The following LRRTM4 variants were observed in gnomAD, a reference collection of about 807,000 sequenced individuals.
The protein encoded by LRRTM4 is leucine rich repeat transmembrane neuronal 4, also known as leucine-rich repeat transmembrane neuronal protein 4.
Under a neutral mutation model 47.6 loss-of-function variants are expected in LRRTM4, and 25 were observed. The ratio of observed to expected loss-of-function variants is 0.53; its 90% confidence interval spans 0.38 to 0.73. The LOEUF (loss-of-function observed/expected upper bound fraction) is 0.73, where lower values mean the gene tolerates loss of function less well. Ranked by LOEUF, LRRTM4 falls within the 30% of genes least tolerant of loss-of-function variation. The pLI is 0.00. For synonymous variants in LRRTM4, 311 were observed against 269.5 expected (o/e 1.15, Z -1.51); for missense variants, 638 against 713.4 (o/e 0.89, Z 1.20).
At chr2:77,448,045 G>GCAAATAAATTT (rs1676120596) in intron 3 of LRRTM4, among the ~76,000 whole-genome samples, 1 of 152,120 alleles carries the variant, frequency 6.6e-6, no homozygotes, top group African/African-American at 2.4e-5. Flanking sequence ...AAAAGAGAAA[G>GCAAATAAATTT]GTGCAAAAGA....
At chr2:77,083,814 T>G (rs1469060131) in intron 3 of LRRTM4, among the ~76,000 whole-genome samples, 20 of 110,964 alleles carry the variant, frequency 1.8e-4, no homozygotes, top group African/African-American at 6.3e-4. Flanking sequence ...TTTTTTTTTT[T>G]TTTTTTTTCA....
chr2:77,116,028 G>A (rs192910638), intron 3 of LRRTM4, among the ~76,000 whole-genome samples: 1 of 152,168 alleles, frequency 6.6e-6, no homozygotes, highest in East Asian at 1.9e-4. Context: ...GAAAATCAGT[G>A]CTCCCTTGAC....
At chr2:76,975,992 T>TAGAAA (rs1676406395) in intron 3 of LRRTM4, among the ~76,000 whole-genome samples, 1 of 151,870 alleles carries the variant, frequency 6.6e-6, no homozygotes, top group Non-Finnish European at 1.5e-5. Flanking sequence ...TCTTCATTTC[T>TAGAAA]TGCTTCTAAT....
At chr2:77,346,316 T>A (rs1216138228) in intron 3 of LRRTM4, among the ~76,000 whole-genome samples, 2 of 152,050 alleles carry the variant, frequency 1.3e-5, no homozygotes, top group Middle Eastern at 3.2e-3. Context: ...AAGGGGAAAA[T>A]TCACAATAAG....
intron 3 of LRRTM4, among the ~76,000 whole-genome samples, chr2:77,092,367 G>A (rs1339394422): frequency 6.6e-6 from 1 of 150,798 alleles, no homozygotes; most frequent in Non-Finnish European, 1.5e-5. Flanking sequence ...ATTGATGGTG[G>A]TTCCACCAGG....
At chr2:77,494,514 T>G (rs1678286595) in intron 3 of LRRTM4, among the ~76,000 whole-genome samples, 1 of 152,038 alleles carries the variant, frequency 6.6e-6, no homozygotes, top group South Asian at 2.1e-4. Context: ...CAGCAGTGGA[T>G]TAAGAGAGTC....
intron 3 of LRRTM4, among the ~76,000 whole-genome samples, chr2:76,929,354 G>C (rs1024095209): frequency 6.6e-6 from 1 of 152,088 alleles, no homozygotes; most frequent in Non-Finnish European, 1.5e-5. Flanking sequence ...TACCTCCCTA[G>C]TGTCCATGGC....
intron 3 of LRRTM4, among the ~76,000 whole-genome samples, chr2:76,877,194 T>A (rs1672802346): frequency 6.6e-6 from 1 of 152,140 alleles, no homozygotes; most frequent in Admixed American, 6.5e-5. Flanking sequence ...CTTTCAATTG[T>A]TTTTATTCAT....
At chr2:77,362,137 G>GAAAGA (rs1553434415) in intron 3 of LRRTM4, among the ~76,000 whole-genome samples, 30 of 131,336 alleles carry the variant, frequency 2.3e-4, no homozygotes, top group Non-Finnish European at 2.9e-4. Flanking sequence ...AAGAAAGAAA[G>GAAAGA]AAAGAAAGAA....
chr2:77,324,494 A>C (rs994549048), intron 3 of LRRTM4, among the ~76,000 whole-genome samples: 7 of 152,030 alleles, frequency 4.6e-5, no homozygotes, highest in African/African-American at 1.7e-4. Flanking sequence ...CTTTCCCCTA[A>C]ACGCTTTTCT....
intron 3 of LRRTM4, among the ~76,000 whole-genome samples, chr2:77,159,982 T>C (rs1672667754): frequency 6.6e-6 from 1 of 151,922 alleles, no homozygotes; most frequent in African/African-American, 2.4e-5. Flanking sequence ...CTTCTTCCCC[T>C]GTCTTACACT....
intron 3 of LRRTM4, among the ~76,000 whole-genome samples, chr2:77,375,329 T>A (rs1366623702): frequency 6.6e-6 from 1 of 151,258 alleles, no homozygotes; most frequent in Non-Finnish European, 1.5e-5. Context: ...ATTTAGTGAT[T>A]TGGGACATAT....
intron 3 of LRRTM4, among the ~76,000 whole-genome samples, chr2:77,128,430 C>T (rs1015952651): frequency 9.3e-6 from 1 of 107,042 alleles, no homozygotes; most frequent in African/African-American, 4.0e-5. Flanking sequence ...AGAGAAATGT[C>T]CCATCAAATT....
At chr2:77,295,851 C>T (rs1255321003) in intron 3 of LRRTM4, among the ~76,000 whole-genome samples, 1 of 152,104 alleles carries the variant, frequency 6.6e-6, no homozygotes, top group Non-Finnish European at 1.5e-5. Context: ...TCTTTAAAGA[C>T]TTAGTCTCCA....
intron 3 of LRRTM4, among the ~76,000 whole-genome samples, chr2:77,037,484 T>C (rs1355510760): frequency 1.3e-5 from 2 of 151,690 alleles, no homozygotes; most frequent in African/African-American, 4.8e-5. Flanking sequence ...GTTTTGTCTC[T>C]AAATTCTTGA....
At chr2:76,946,541 T>A (rs1403014078) in intron 3 of LRRTM4, among the ~76,000 whole-genome samples, 1 of 151,834 alleles carries the variant, frequency 6.6e-6, no homozygotes. Context: ...TAAAGACAAC[T>A]GAGAGTGAAG....
intron 3 of LRRTM4, among the ~76,000 whole-genome samples, chr2:76,954,408 G>A (rs1359738058): frequency 6.6e-6 from 1 of 151,356 alleles, no homozygotes; most frequent in Non-Finnish European, 1.5e-5. Flanking sequence ...TACAATGACC[G>A]AATTGAAAAA....
chr2:77,127,532 A>G (rs1488895783), intron 3 of LRRTM4, among the ~76,000 whole-genome samples: 1 of 152,198 alleles, frequency 6.6e-6, no homozygotes, highest in Middle Eastern at 3.2e-3. Flanking sequence ...AGAATATTAT[A>G]AAAATGATGA....
chr2:77,518,193 T>G, intron 3 of LRRTM4, 125 bp downstream of exon 3: 3 of 1,348,126 alleles, frequency 2.2e-6, no homozygotes, highest in Non-Finnish European at 2.8e-6. Context: ...CCTTTCACAC[T>G]GAGCAAAACC....
Sources: allele counts gnomAD v4.1 joint callset (sites outside exome capture counted in the v4.1 genomes callset), GRCh38; gene constraint gnomAD v4.1.1; transcripts MANE v1.5; gene names NCBI Gene and HGNC (gene_info 2026-07-23, HGNC 2026-07-21).